The following ITIH6 variants were observed in gnomAD, a reference collection of about 807,000 sequenced individuals.
ITIH6 encodes inter-alpha-trypsin inhibitor heavy chain family member 6, also known as inter-alpha-trypsin inhibitor heavy chain H6.
A neutral mutation model predicts 58.2 loss-of-function variants in ITIH6; 60 were observed. The observed-to-expected ratio is 1.03, with a 90% CI of 0.84 to 1.28. The LOEUF is 1.28. Ranked by LOEUF, ITIH6 falls within the 50% of genes most tolerant of loss-of-function variation. The pLI is 0.00. For missense variants in ITIH6, 1,290 were observed against 1,021.1 expected, an observed-to-expected ratio of 1.26 and a Z score of -3.59; for synonymous variants, 493 against 417.4, an observed-to-expected ratio of 1.18 and a Z score of -2.21.
intron 5 of ITIH6, among the ~76,000 whole-genome samples, chrX:54,780,442 A>G (rs1929128103): frequency 8.9e-6 from 1 of 112,519 alleles, no homozygotes; most frequent in Non-Finnish European, 1.9e-5. Context: ...GAAGAAATTC[A>G]GAAAGAAATT....
At chrX:54,788,987 C>CGGA (rs1450005394) in intron 4 of ITIH6, among the ~76,000 whole-genome samples, 1 of 112,435 alleles carries the variant, frequency 8.9e-6, no homozygotes, top group Admixed American at 9.3e-5. Context: ...GTGGCATGTC[C>CGGA]GGAGGTACGC....
intron 2 of ITIH6, among the ~76,000 whole-genome samples, chrX:54,794,963 G>A (rs948952675): frequency 5.4e-5 from 6 of 111,347 alleles, no homozygotes; most frequent in African/African-American, 1.3e-4. Context: ...CTAACAAGCC[G>A]AAAAAAGGTA....
rs1928528328 is a variant in ITIH6, at chrX:54,757,728, C to A, written c.2346G>T (p.Leu782=). 2.5e-6 allele frequency: 3 copies of A among 1,211,555 alleles called. No individual in the cohort carries two copies. The highest frequency in any genetic ancestry group is 5.9e-5 in the East Asian group (2 of 33,829). Residue 782 remains leucine (L), a synonymous_variant, in exon 8 of 13, where the codon CTG becomes CTT. Coordinates refer to ENST00000218436, the MANE Select transcript of ITIH6 (RefSeq NM_198510.3). Reference sequence around the variant, plus strand: ...GCGATGGAGCACCAGGTTTGGAATGCAGTGGAGTAACACATTTCACAGTGT... The same window carrying A: ...GCGATGGAGCACCAGGTTTGGAATGAAGTGGAGTAACACATTTCACAGTGT... ...KADTVKCVTP[L]HSKPGAPSHP...
chrX:54,767,959 T>C (rs1278336421), intron 6 of ITIH6, among the ~76,000 whole-genome samples: 4 of 97,128 alleles, frequency 4.1e-5, no homozygotes, highest in Non-Finnish European at 7.9e-5. Context: ...TGACTTTCTG[T>C]CTCATTGATC....
chrX:54,788,611 C>A lies in ITIH6; in HGVS notation c.655G>T (p.Gly219Ter), dbSNP rs1156465732. ...TAGGTGATTCGGACACAGGTCTCTC[C>A]CCTCTCGATCCTGGTGGATGGGGGT... ...DSPPSTRIER[G>*]ETCVRITYCP... The change falls in exon 5 of 13, where the codon GGA becomes TGA. Residue 219 changes from glycine (G) to a stop codon, truncating the protein, a stop_gained. Transcript: ENST00000218436. LOFTEE classifies it high-confidence loss of function. The A allele has an allele frequency of 8.3e-7, 1 of 1,210,105 alleles. No homozygotes were observed. The highest frequency in any genetic ancestry group is 1.1e-6 in the Non-Finnish European group (1 of 894,375).
chrX:54,761,270 C>G (rs1225992196), intron 6 of ITIH6, among the ~76,000 whole-genome samples: 1 of 112,153 alleles, frequency 8.9e-6, no homozygotes, highest in African/African-American at 3.2e-5. Flanking sequence ...CCTTCACCCA[C>G]TTTTTGATGG....
intron 5 of ITIH6, among the ~76,000 whole-genome samples, chrX:54,774,400 TC>T: frequency 8.9e-6 from 1 of 112,802 alleles, no homozygotes; most frequent in South Asian, 3.6e-4. Flanking sequence ...CAGACCTTCA[TC>T]CCGGGGCCTG....
chrX:54,781,884 T>C (rs1929155862), intron 5 of ITIH6, among the ~76,000 whole-genome samples: 1 of 112,138 alleles, frequency 8.9e-6, no homozygotes, highest in African/African-American at 3.2e-5. Context: ...ATATACACCA[T>C]GAAATAGTAT....
intron 7 of ITIH6, 54 bp from the exon 8 acceptor site, chrX:54,759,052 T>TGTGTCTGCAATGGGG: frequency 1.1e-6 from 1 of 897,064 alleles, no homozygotes. Flanking sequence ...CTACCCCCAT[T>TGTGTCTGCAATGGGG]GCAGACACAC....
At chrX:54,753,818 G>A (rs1928426553) in intron 10 of ITIH6, 54 bp from the exon 11 acceptor site, 1 of 1,124,630 alleles carries the variant, frequency 8.9e-7, no homozygotes, top group African/African-American at 1.8e-5. Flanking sequence ...GAAGGGAGAG[G>A]GAAAGAGAGA....
chrX:54,757,436 G>T lies in ITIH6; in HGVS notation c.2638C>A (p.His880Asn). ...GGAGGTAGTGGGGTTTGAGGCATAT[G>T]GGGGTTTGGGGTCTCAGGCTTGGAA... ...SLSKPETPNP[H>N]MPQTPLPPRP... Residue 880 changes from histidine (H) to asparagine (N), a missense_variant, in exon 8 of 13, where the codon CAT (histidine) becomes AAT (asparagine). His to Asn is a moderately conservative substitution (Grantham distance 68). Transcript: ENST00000218436. The T allele has an allele frequency of 8.3e-7, 1 of 1,210,407 alleles. No homozygotes were observed. Among genetic ancestry groups the T allele is most frequent in the Non-Finnish European group, 1.1e-6 (1 of 894,491 alleles).
Position 54,757,976 on chromosome X carries a change from G to A in ITIH6, c.2098C>T (p.Pro700Ser). 1 of 1,211,883 alleles carries A rather than the reference G, an allele frequency of 8.3e-7. No homozygotes were observed. The highest frequency in any genetic ancestry group is 1.1e-6 in the Non-Finnish European group (1 of 895,523). Residue 700 changes from proline to serine, a missense_variant, in exon 8 of 13, where the codon CCC (proline) becomes TCC (serine). Pro to Ser is a moderately conservative substitution (Grantham distance 74, BLOSUM62 -1). Coordinates refer to ENST00000218436, the MANE Select transcript of ITIH6 (RefSeq NM_198510.3). ...LGESPHTLSM[P>S]TYPKAKIPAQ... Reference sequence around the variant, plus strand: ...GGAATTTTGGCCTTTGGGTATGTGGGCATTGACAGGGTATGAGGGCTCTCT... The same window carrying A: ...GGAATTTTGGCCTTTGGGTATGTGGACATTGACAGGGTATGAGGGCTCTCT...
rs777392105 is a variant in ITIH6, at chrX:54,753,688, AG to A, written c.3314del (p.Pro1105LeufsTer8). ...EKICFTLNGH[P>X]GDLLQLIEDP... ...CCTCTATGAGCTGCAGCAAGTCCCC[AG>A]GGTGCCCATTCAGTGTGAAGCAGAT... On this transcript the variant is annotated frameshift_variant, in exon 11 of 13. Transcript: ENST00000218436. LOFTEE classifies it high-confidence loss of function. 1 of 1,209,153 alleles carries A rather than the reference AG, an allele frequency of 8.3e-7. No homozygotes were observed. Among genetic ancestry groups the A allele is most frequent in the Non-Finnish European group, 1.1e-6 (1 of 894,858 alleles).
chrX:54,794,174 C>A (rs1217712143), intron 2 of ITIH6, among the ~76,000 whole-genome samples: 1 of 109,481 alleles, frequency 9.1e-6, no homozygotes, highest in Non-Finnish European at 1.9e-5. Flanking sequence ...CGAGTTGGCA[C>A]CTCCCCAAGG....
chrX:54,777,682 C>T (rs1321005644), intron 5 of ITIH6, among the ~76,000 whole-genome samples: 1 of 112,419 alleles, frequency 8.9e-6, no homozygotes, highest in Non-Finnish European at 1.9e-5. Flanking sequence ...AAAGAATTCT[C>T]CCAGATATTG....
Position 54,782,062 on chromosome X carries a change from C to T in ITIH6, c.786+6418G>A, listed in dbSNP as rs778567459. Among the ~76,000 whole-genome samples the T allele has an allele frequency of 2.7e-5, 3 of 111,279 alleles. No individual in the cohort carries two copies. In the South Asian group the frequency reaches 1.2e-3, roughly 43 times the overall value. On this transcript the variant is annotated intron_variant, in intron 5 of 12. Transcript: ENST00000218436. Reference sequence around the variant, plus strand: ...TACATGGACACATAGAGGGGAATAACACACACTGGGGCCTGTCAGAGCACC... The same window carrying T: ...TACATGGACACATAGAGGGGAATAATACACACTGGGGCCTGTCAGAGCACC...
chrX:54,755,915 G>A (rs1263437000), intron 8 of ITIH6, among the ~76,000 whole-genome samples: 1 of 111,258 alleles, frequency 9.0e-6, no homozygotes, highest in Non-Finnish European at 1.9e-5. Flanking sequence ...TGTCTTTAAA[G>A]GATCCCTTTG....
chrX:54,784,150 C>T (rs757784807), intron 5 of ITIH6, among the ~76,000 whole-genome samples: 1 of 111,614 alleles, frequency 9.0e-6, no homozygotes, highest in African/African-American at 3.3e-5. Context: ...AATAATGAAA[C>T]TAGACCTCTC....
Position 54,755,315 on chromosome X carries a change from C to CCATT in ITIH6, c.3110-210_3110-207dup, listed in dbSNP as rs759710767. On this transcript the variant is annotated intron_variant, in intron 8 of 12. Transcript: ENST00000218436. ...TTATAGCATTTATACATTCATTTGTCCATTCATTCATTCATTCATTCATTC... is the reference window on the plus strand; with the variant it reads ...TTATAGCATTTATACATTCATTTGTCCATTCATTCATTCATTCATTCATTCATTC... Among the ~76,000 whole-genome samples, 271 of 112,110 alleles carry CCATT rather than the reference C, an allele frequency of 2.4e-3. 1 individual carries two copies. The highest frequency in any genetic ancestry group is 5.2e-3 in the South Asian group (14 of 2,718).
Sources: allele counts gnomAD v4.1 joint callset (sites outside exome capture counted in the v4.1 genomes callset), GRCh38; gene constraint gnomAD v4.1.1; transcripts MANE v1.5; gene names NCBI Gene and HGNC (gene_info 2026-07-23, HGNC 2026-07-21).